Variants in STIMATE observed in about 807,000 individuals in gnomAD.
STIMATE encodes store-operated calcium entry regulator STIMATE.
A neutral mutation model predicts 36.7 loss-of-function variants in STIMATE; 15 were observed. The observed-to-expected ratio is 0.41, with a 90% CI of 0.27 to 0.63. The LOEUF is 0.63. Ranked by LOEUF, STIMATE falls within the 20% of genes least tolerant of loss-of-function variation. The probability of loss-of-function intolerance (pLI) is 0.32; values close to 1 mark genes in which losing one functional copy is unlikely to be tolerated. For missense variants in STIMATE, 305 were observed against 397.3 expected (o/e 0.77, Z 1.98); for synonymous variants, 163 against 162.3 (o/e 1.00, Z -0.03).
At chr3:52,864,955 T>C (rs1701278183) in intron 1 of STIMATE, among the ~76,000 whole-genome samples, 1 of 151,758 alleles carries the variant, frequency 6.6e-6, no homozygotes, top group South Asian at 2.1e-4. Context: ...CTCTTTTCTT[T>C]TTTTTTTTTG....
intron 3 of STIMATE, among the ~76,000 whole-genome samples, chr3:52,850,894 A>G (rs912260077): frequency 6.6e-6 from 1 of 152,002 alleles, no homozygotes; most frequent in African/African-American, 2.4e-5. Flanking sequence ...ACACACAGCT[A>G]ATTTTTGTAT....
intron 1 of STIMATE, among the ~76,000 whole-genome samples, chr3:52,882,469 G>A (rs9872331): frequency 0.015 from 2,291 of 152,238 alleles, 55 homozygotes; most frequent in African/African-American, 0.052. Context: ...TTCTCAGGAC[G>A]TTTTTACTGG....
intron 1 of STIMATE, among the ~76,000 whole-genome samples, chr3:52,867,019 C>T (rs976009927): frequency 3.3e-5 from 5 of 152,158 alleles, no homozygotes; most frequent in African/African-American, 1.2e-4. Context: ...GCCGGGGTCT[C>T]CCGGCTGCAG....
intron 1 of STIMATE, among the ~76,000 whole-genome samples, chr3:52,886,203 G>T (rs1352354259): frequency 6.6e-6 from 1 of 152,188 alleles, no homozygotes; most frequent in Non-Finnish European, 1.5e-5. Context: ...GGACCAAATG[G>T]TGTTTAAGAC....
At chr3:52,877,370 T>C (rs544195583) in intron 1 of STIMATE, among the ~76,000 whole-genome samples, 1 of 152,326 alleles carries the variant, frequency 6.6e-6, no homozygotes, top group South Asian at 2.1e-4. Context: ...AGTTCGTAGG[T>C]GGGAAGAGTT....
intron 4 of STIMATE, among the ~76,000 whole-genome samples, chr3:52,846,047 A>C (rs1250273125): frequency 6.6e-6 from 1 of 152,230 alleles, no homozygotes; most frequent in Non-Finnish European, 1.5e-5. Flanking sequence ...TTTCTGCAGC[A>C]ATCCCTGTTT....
chr3:52,874,759 T>C (rs534445208), intron 1 of STIMATE, among the ~76,000 whole-genome samples: 1 of 152,214 alleles, frequency 6.6e-6, no homozygotes, highest in East Asian at 1.9e-4. Flanking sequence ...CCAGAATCGC[T>C]TGAACCTGGG....
intron 1 of STIMATE, among the ~76,000 whole-genome samples, chr3:52,875,882 C>G (rs1701496822): frequency 6.6e-6 from 1 of 152,220 alleles, no homozygotes; most frequent in African/African-American, 2.4e-5. Context: ...ATCCAGAAGC[C>G]CTTGTGAGCA....
At chr3:52,889,930 C>G (rs1381031418) in intron 1 of STIMATE, among the ~76,000 whole-genome samples, 2 of 152,158 alleles carry the variant, frequency 1.3e-5, no homozygotes, top group African/African-American at 4.8e-5. Flanking sequence ...AAGGAAGGCT[C>G]TCTGGAAAGC....
intron 4 of STIMATE, among the ~76,000 whole-genome samples, chr3:52,845,933 G>GGCA (rs1559489214): frequency 3.0e-5 from 3 of 101,168 alleles, no homozygotes; most frequent in Admixed American, 9.3e-5. Flanking sequence ...GCATTTTGGG[G>GGCA]GTGGCGGGGG....
chr3:52,865,241 G>A lies in STIMATE; in HGVS notation c.161-9797C>T, dbSNP rs143017227. 7.3e-3 allele frequency among the ~76,000 whole-genome samples: 1,106 copies of A among 152,250 alleles called. 112 individuals are homozygous for A. The South Asian group carries it at 0.2, about 28-fold the overall frequency. On this transcript the variant is annotated intron_variant, in intron 1 of 7. Coordinates refer to ENST00000355083, the MANE Select transcript of STIMATE (RefSeq NM_198563.5). ...ATTACAAGCGTGAGCCACGGTGCCC[G>A]ACTGCCATTCAACAAGTCTCTAGAG...
intron 1 of STIMATE, among the ~76,000 whole-genome samples, chr3:52,869,736 A>G (rs1484893468): frequency 1.1e-4 from 16 of 152,176 alleles, no homozygotes; most frequent in Admixed American, 1.0e-3. Flanking sequence ...ACTAAACTGA[A>G]CAAACAGAGC....
intron 3 of STIMATE, among the ~76,000 whole-genome samples, chr3:52,852,061 A>G (rs1030523022): frequency 5.3e-5 from 8 of 152,354 alleles, no homozygotes; most frequent in South Asian, 2.1e-4. Context: ...TCCACCTGCT[A>G]AGAGAAGCAC....
rs536027199 is a variant in STIMATE, at chr3:52,856,282, T to A, written c.161-838A>T. On this transcript the variant is annotated intron_variant, in intron 1 of 7. Coordinates refer to ENST00000355083, the MANE Select transcript of STIMATE (RefSeq NM_198563.5). ...TGAGCAGGGGCCAAATGAGGGAGGG[T>A]CTTGAATGCTGGGCCAAGGAAACTA... Among the ~76,000 whole-genome samples, 10 of 151,874 alleles carry A rather than the reference T, an allele frequency of 6.6e-5. No homozygotes were observed. The South Asian group carries it at 2.1e-3, about 32-fold the overall frequency.
Position 52,857,539 on chromosome 3 carries a change from C to T in STIMATE, c.161-2095G>A, listed in dbSNP as rs116483790. Among the ~76,000 whole-genome samples, 970 of 152,272 alleles carry T rather than the reference C, an allele frequency of 6.4e-3. 12 individuals are homozygous for T. Among genetic ancestry groups the T allele is most frequent in the African/African-American group, 0.022 (915 of 41,554 alleles). ...CTGCTTCAGGGGAATCTGTCCCCAT[C>T]ACTGTAAAATAAAGGACATCAAATA... is the stretch of plus-strand genomic sequence containing the variant. On this transcript the variant is annotated intron_variant, in intron 1 of 7. Coordinates refer to ENST00000355083, the MANE Select transcript of STIMATE (RefSeq NM_198563.5).
At chr3:52,875,171 T>A (rs1306474091) in intron 1 of STIMATE, among the ~76,000 whole-genome samples, 1 of 152,244 alleles carries the variant, frequency 6.6e-6, no homozygotes, top group Non-Finnish European at 1.5e-5. Flanking sequence ...TGTTTCTACT[T>A]TTTTGTATTC....
intron 1 of STIMATE, among the ~76,000 whole-genome samples, chr3:52,886,284 A>G (rs2106727218): frequency 6.6e-6 from 1 of 152,308 alleles, no homozygotes; most frequent in African/African-American, 2.4e-5. Context: ...GCACATGTGT[A>G]TGCTGCACAT....
intron 1 of STIMATE, among the ~76,000 whole-genome samples, chr3:52,868,459 G>C (rs1318559049): frequency 2.6e-5 from 4 of 152,114 alleles, no homozygotes; most frequent in Non-Finnish European, 4.4e-5. Context: ...TCTAGTTCCA[G>C]CTTTATCCAA....
At chr3:52,880,309 C>A (rs766995122) in intron 1 of STIMATE, among the ~76,000 whole-genome samples, 10 of 152,222 alleles carry the variant, frequency 6.6e-5, no homozygotes, top group Non-Finnish European at 1.5e-4. Flanking sequence ...TGATGCTATA[C>A]AAGAGGGACC....
Sources: gnomAD v4.1 joint callset for allele counts (sites outside exome capture counted in the v4.1 genomes callset) on GRCh38, gnomAD v4.1.1 for gene constraint, MANE v1.5 for transcripts, NCBI Gene and HGNC (gene_info 2026-07-23, HGNC 2026-07-21) for gene names.